CTNNA2: variants seen among roughly 807,000 people sequenced by gnomAD.
CTNNA2 encodes the protein catenin alpha-2.
Under a neutral mutation model 101.0 loss-of-function variants are expected in CTNNA2, and 42 were observed. That is an observed-to-expected ratio of 0.42 (90% CI 0.32 to 0.54). CTNNA2 has a LOEUF of 0.54. CTNNA2 is among the 20% of genes least tolerant of loss of function. The pLI, the probability that CTNNA2 is intolerant of heterozygous loss-of-function variation, is 0.14. For synonymous variants in CTNNA2, 450 were observed against 456.4 expected (o/e 0.99, Z 0.18); for missense variants, 871 against 1,223.1 (o/e 0.71, Z 4.29).
chr2:79,349,533 G>T (rs1677336929), intron 3 of CTNNA2, among the ~76,000 whole-genome samples: 1 of 152,178 alleles, frequency 6.6e-6, no homozygotes, highest in Non-Finnish European at 1.5e-5. Flanking sequence ...GAGAATATAA[G>T]CTGGTTGAAG....
chr2:80,642,254 C>G (rs755032855), intron 18 of CTNNA2, among the ~76,000 whole-genome samples: 3 of 152,100 alleles, frequency 2.0e-5, no homozygotes, highest in Non-Finnish European at 2.9e-5. Flanking sequence ...AGATATCATG[C>G]CCACAATGAA....
chr2:79,933,882 G>A (rs1287246211), intron 7 of CTNNA2, among the ~76,000 whole-genome samples: 2 of 152,126 alleles, frequency 1.3e-5, no homozygotes, highest in Non-Finnish European at 2.9e-5. Flanking sequence ...TTTTTGAATA[G>A]TTGTGACAGC....
At chr2:80,607,472 G>A (rs1215102021) in intron 16 of CTNNA2, among the ~76,000 whole-genome samples, 1 of 151,804 alleles carries the variant, frequency 6.6e-6, no homozygotes, top group East Asian at 1.9e-4. Context: ...CGGTCATAAT[G>A]AAAATCCAAA....
At chr2:79,284,703 A>T (rs1319111017) in intron 2 of CTNNA2, among the ~76,000 whole-genome samples, 1 of 150,698 alleles carries the variant, frequency 6.6e-6, no homozygotes, top group African/African-American at 2.4e-5. Flanking sequence ...TTCATCAAGG[A>T]TATTGGTCTA....
intron 18 of CTNNA2, among the ~76,000 whole-genome samples, chr2:80,628,644 C>G (rs1671951494): frequency 6.6e-6 from 1 of 152,004 alleles, no homozygotes; most frequent in South Asian, 2.1e-4. Context: ...TTTAGTTGTT[C>G]CGCAAACAGT....
chr2:79,666,509 A>G lies in CTNNA2; in HGVS notation c.102+14851A>G, dbSNP rs557806330. 9.2e-5 allele frequency among the ~76,000 whole-genome samples: 14 copies of G among 152,230 alleles called. No homozygotes were observed. The South Asian group carries it at 1.5e-3, about 16-fold the overall frequency. On this transcript the variant is annotated intron_variant, in intron 2 of 18. Coordinates refer to ENST00000402739, the MANE Select transcript of CTNNA2 (RefSeq NM_001282597.3). Reference sequence around the variant, plus strand: ...TATTAGATTTTTACTGTTCTTTTAGATATCCATATACCACGTTCATCTGTT... The same window carrying G: ...TATTAGATTTTTACTGTTCTTTTAGGTATCCATATACCACGTTCATCTGTT...
intron 7 of CTNNA2, among the ~76,000 whole-genome samples, chr2:80,312,329 G>A (rs1479719670): frequency 6.6e-6 from 1 of 152,176 alleles, no homozygotes; most frequent in Non-Finnish European, 1.5e-5. Flanking sequence ...ATTTAAAGAG[G>A]GCGGGGGTAT....
At chr2:79,332,695 G>A (rs1467758100) in intron 3 of CTNNA2, among the ~76,000 whole-genome samples, 1 of 152,094 alleles carries the variant, frequency 6.6e-6, no homozygotes, top group Non-Finnish European at 1.5e-5. Flanking sequence ...TAATTCATTT[G>A]CCCTTGATCA....
chr2:80,358,874 A>G lies in CTNNA2; in HGVS notation c.1057-34337A>G, dbSNP rs186406340. On this transcript the variant is annotated intron_variant, in intron 7 of 18. Transcript: ENST00000402739. ...ACAAACGGAACAGAAATATCACTTC[A>G]CCCATTAAAAAAAAACATGAAGAGG... 4.7e-3 allele frequency among the ~76,000 whole-genome samples: 707 copies of G among 151,936 alleles called. 5 individuals carry two copies. Among genetic ancestry groups the G allele is most frequent in the African/African-American group, 0.016 (656 of 41,442 alleles).
intron 7 of CTNNA2, among the ~76,000 whole-genome samples, chr2:80,169,054 C>T (rs537976596): frequency 7.9e-5 from 12 of 152,318 alleles, no homozygotes; most frequent in African/African-American, 2.6e-4. Flanking sequence ...GGGGCCTGAC[C>T]TTGGGAGCCC....
At chr2:80,636,760 T>G (rs1177025753) in intron 18 of CTNNA2, among the ~76,000 whole-genome samples, 1 of 152,144 alleles carries the variant, frequency 6.6e-6, no homozygotes, top group Non-Finnish European at 1.5e-5. Flanking sequence ...CAGGCTAGAT[T>G]GCCTTTCCTA....
At chr2:80,326,572 G>A (rs1679259244) in intron 7 of CTNNA2, among the ~76,000 whole-genome samples, 1 of 152,052 alleles carries the variant, frequency 6.6e-6, no homozygotes, top group Non-Finnish European at 1.5e-5. Flanking sequence ...AACTCCATTA[G>A]CATCTGACTG....
At chr2:80,339,004 C>T (rs889219138) in intron 7 of CTNNA2, among the ~76,000 whole-genome samples, 3 of 152,208 alleles carry the variant, frequency 2.0e-5, no homozygotes, top group African/African-American at 7.2e-5. Context: ...GAGTCTACTT[C>T]ACTGTACTTC....
intron 1 of CTNNA2, among the ~76,000 whole-genome samples, chr2:79,589,942 GT>G (rs1414988579): frequency 6.6e-6 from 1 of 152,146 alleles, no homozygotes; most frequent in Non-Finnish European, 1.5e-5. Context: ...CCTCTTCTAG[GT>G]ATACACAATC....
chr2:80,439,630 G>A lies in CTNNA2; in HGVS notation c.1290+20029G>A, dbSNP rs184683882. On this transcript the variant is annotated intron_variant, in intron 9 of 18. Coordinates refer to ENST00000402739, the MANE Select transcript of CTNNA2 (RefSeq NM_001282597.3). The stretch of plus-strand genomic sequence containing the variant: ...TGGCCGGGCTGGTCTTGAATTCCTG[G>A]CCTCAGGGAATCTGCCTGCCTTGGC... Among the ~76,000 whole-genome samples, 234 of 152,204 alleles carry A rather than the reference G, an allele frequency of 1.5e-3. 1 individual carries two copies. The highest frequency in any genetic ancestry group is 5.5e-3 in the African/African-American group (229 of 41,540).
At chr2:80,483,368 T>TTA (rs10635965) in intron 9 of CTNNA2, among the ~76,000 whole-genome samples, 14,779 of 145,972 alleles carry the variant, frequency 0.1, 947 homozygotes, top group African/African-American at 0.18. Flanking sequence ...TGTTGTTGTT[T>TTA]TATATATATA....
intron 2 of CTNNA2, among the ~76,000 whole-genome samples, chr2:79,715,987 T>G (rs1001687444): frequency 6.6e-6 from 1 of 151,992 alleles, no homozygotes; most frequent in African/African-American, 2.4e-5. Flanking sequence ...ATTTCATCAT[T>G]GAATTTTATA....
At chr2:80,123,173 T>C (rs186553772) in intron 7 of CTNNA2, among the ~76,000 whole-genome samples, 1 of 152,308 alleles carries the variant, frequency 6.6e-6, no homozygotes, top group African/African-American at 2.4e-5. Flanking sequence ...CATTAAGCCC[T>C]TTAGAAGCCA....
intron 7 of CTNNA2, among the ~76,000 whole-genome samples, chr2:79,951,160 C>T (rs1415772711): frequency 6.6e-6 from 1 of 152,152 alleles, no homozygotes; most frequent in East Asian, 1.9e-4. Flanking sequence ...TATAATTTCA[C>T]AAACAATGTA....
Sources: gnomAD v4.1 joint callset for allele counts (sites outside exome capture counted in the v4.1 genomes callset) on GRCh38, gnomAD v4.1.1 for gene constraint, MANE v1.5 for transcripts, NCBI Gene and HGNC (gene_info 2026-07-23, HGNC 2026-07-21) for gene names.